Variants in CNNM2 observed in about 807,000 individuals in gnomAD.
CNNM2 encodes the protein cyclin and CBS domain divalent metal cation transport mediator 2.
Under a neutral mutation model 66.9 loss-of-function variants are expected in CNNM2, and 12 were observed. That is an observed-to-expected ratio of 0.18 (90% CI 0.11 to 0.29). The LOEUF (loss-of-function observed/expected upper bound fraction) is 0.29, where lower values mean the gene tolerates loss of function less well. CNNM2 is among the 10% of genes least tolerant of loss of function. CNNM2 has a pLI of 1.00. For synonymous variants in CNNM2, 557 were observed against 501.8 expected (o/e 1.11, Z -1.47); for missense variants, 705 against 1,167.7 (o/e 0.60, Z 5.77).
intron 1 of CNNM2, among the ~76,000 whole-genome samples, chr10:102,973,412 G>T (rs923406405): frequency 6.6e-6 from 1 of 151,884 alleles, no homozygotes; most frequent in South Asian, 2.1e-4. Flanking sequence ...AGAGTAGCTG[G>T]AACTACTACA....
intron 1 of CNNM2, among the ~76,000 whole-genome samples, chr10:102,929,090 T>C (rs1845975638): frequency 6.6e-6 from 1 of 151,886 alleles, no homozygotes; most frequent in African/African-American, 2.4e-5. Context: ...TGAAACCCAG[T>C]CTCCACTAAA....
intron 5 of CNNM2, among the ~76,000 whole-genome samples, chr10:103,071,567 T>A (rs2065583220): frequency 6.6e-6 from 1 of 152,220 alleles, no homozygotes; most frequent in Non-Finnish European, 1.5e-5. Context: ...TGGGTAGGAT[T>A]TCTCCTGATC....
In CNNM2 at chr10:102,918,570, C is replaced by T. The variant is rs202027427; in HGVS notation, c.90C>T (p.Arg30=). The stretch of plus-strand genomic sequence containing the variant: ...TGCCCACTTGGAAGATGGCGGCGCG[C>T]CGCAGCCTCAGCGCTCGCGGCCGGG... ...AALPTWKMAA[R]RSLSARGRGI... Residue 30 remains arginine, a synonymous_variant, in exon 1 of 8, where the codon CGC becomes CGT. Transcript: ENST00000369878. This position sits in a 1 kb window ranked among gnomAD's most constrained non-coding sequence, Gnocchi z 4.1. The T allele has an allele frequency of 1.1e-4, 180 of 1,584,112 alleles. 1 individual carries two copies. The East Asian group carries it at 4.2e-3, about 37-fold the overall frequency.
chr10:103,074,542 G>A (rs1405510477), intron 6 of CNNM2, among the ~76,000 whole-genome samples: 1 of 151,844 alleles, frequency 6.6e-6, no homozygotes, highest in African/African-American at 2.4e-5. Context: ...AAAAATTTTA[G>A]GAGAAAGTGG....
At chr10:103,066,721 A>C (rs1430318211) in intron 4 of CNNM2, among the ~76,000 whole-genome samples, 1 of 152,112 alleles carries the variant, frequency 6.6e-6, no homozygotes, top group Non-Finnish European at 1.5e-5. Context: ...TCTGTTCCCA[A>C]TGTCTTTTTC....
At position 103,088,267 on chromosome 10, in the gene CNNM2, C is replaced by T. The variant is rs1231193106; in HGVS notation, c.*11087C>T. On this transcript the variant is annotated 3_prime_UTR_variant, in exon 8 of 8. Coordinates refer to ENST00000369878, the MANE Select transcript of CNNM2 (RefSeq NM_017649.5). ...TGGTTAAAGAAAGAGTCTATAACCA[C>T]TGTTTGTTTAAAATGTTGAAACAAC... 6.6e-6 allele frequency: 1 copy of T among 152,238 alleles called. No homozygotes were observed. The highest frequency in any genetic ancestry group is 1.5e-5 in the Non-Finnish European group (1 of 68,044). The allele number at this position is 152,238 out of a possible 1,614,324, so 9.4% of individuals were successfully genotyped here. A position where few individuals can be genotyped will look rare whatever the true frequency, so the allele number is the denominator to read the frequency against.
chr10:102,978,251 A>G (rs2063668320), intron 1 of CNNM2, among the ~76,000 whole-genome samples: 1 of 149,492 alleles, frequency 6.7e-6, no homozygotes, highest in Non-Finnish European at 1.5e-5. Context: ...CATCTCAAAC[A>G]TACGATTTTC....
In CNNM2 at chr10:103,054,341, C is replaced by T. The variant is rs867956618; in HGVS notation, c.1778C>T (p.Thr593Met). The change falls in exon 3 of 8, where the codon ACG (threonine) becomes ATG (methionine). Residue 593 changes from threonine to methionine, a missense_variant. Thr to Met is a moderately conservative substitution (Grantham distance 81). Coordinates refer to ENST00000369878, the MANE Select transcript of CNNM2 (RefSeq NM_017649.5). The surrounding 1 kb of genome is among the most constrained non-coding windows in gnomAD (Gnocchi z 5.2). ...ATTCCTCCCTTAGCTGACAACAGAACGAAAAAGAAAGTGGCTCACCGGGAA... is the reference window on the plus strand; with the variant it reads ...ATTCCTCCCTTAGCTGACAACAGAATGAAAAAGAAAGTGGCTCACCGGGAA... Reference protein sequence around the residue: ...DETDLYTDNRTKKKVAHRERK... With the variant: ...DETDLYTDNRMKKKVAHRERK... 1.9e-6 allele frequency: 3 copies of T among 1,613,526 alleles called. No individual in the cohort carries two copies. Among genetic ancestry groups the T allele is most frequent in the Non-Finnish European group, 1.7e-6 (2 of 1,179,736 alleles).
At chr10:103,061,377 C>T (rs762201209) in intron 4 of CNNM2, among the ~76,000 whole-genome samples, 7 of 151,870 alleles carry the variant, frequency 4.6e-5, no homozygotes, top group Non-Finnish European at 8.8e-5. Context: ...GGCAACAGAG[C>T]GAGACTCTGT....
chr10:102,988,535 A>G (rs2063839189), intron 1 of CNNM2, among the ~76,000 whole-genome samples: 1 of 152,184 alleles, frequency 6.6e-6, no homozygotes, highest in Non-Finnish European at 1.5e-5. Flanking sequence ...TACAAAGTAT[A>G]GACCTTTTCC....
chr10:102,985,142 T>C (rs1267585619), intron 1 of CNNM2, among the ~76,000 whole-genome samples: 1 of 152,198 alleles, frequency 6.6e-6, no homozygotes. Context: ...GCAAAATTCC[T>C]GCTTTGTGTA....
chr10:103,076,615 C>CTTGG (rs2065696149), intron 7 of CNNM2, among the ~76,000 whole-genome samples: 1 of 152,164 alleles, frequency 6.6e-6, no homozygotes. Context: ...GGTCAGGAGA[C>CTTGG]TTGGAGGGTT....
chr10:103,012,639 C>CTT (rs78646079), intron 1 of CNNM2, among the ~76,000 whole-genome samples: 2,405 of 117,976 alleles, frequency 0.02, 65 homozygotes, highest in African/African-American at 0.052. Context: ...CAGAGCAAGA[C>CTT]TTTTTTTTTT....
chr10:103,014,273 CT>C (rs1187266645), intron 1 of CNNM2, among the ~76,000 whole-genome samples: 1 of 152,180 alleles, frequency 6.6e-6, no homozygotes, highest in Non-Finnish European at 1.5e-5. Context: ...TATGCATAGC[CT>C]TGGCAGGTGG....
intron 5 of CNNM2, among the ~76,000 whole-genome samples, chr10:103,070,283 T>C (rs1478741653): frequency 6.6e-6 from 1 of 152,222 alleles, no homozygotes; most frequent in African/African-American, 2.4e-5. Flanking sequence ...ACCTGGGTTA[T>C]AGCTTCAGTT....
chr10:103,030,153 G>A (rs2064796519), intron 1 of CNNM2, among the ~76,000 whole-genome samples: 1 of 152,210 alleles, frequency 6.6e-6, no homozygotes, highest in Non-Finnish European at 1.5e-5. Flanking sequence ...TGGATGGAAT[G>A]AGCAAAGCTA....
At chr10:102,921,095 G>C in intron 1 of CNNM2, 1 of 959,298 alleles carries the variant, frequency 1.0e-6, no homozygotes. Flanking sequence ...ATATTTGTTC[G>C]TTTGACCATA....
At chr10:102,991,884 A>G (rs541787520) in intron 1 of CNNM2, among the ~76,000 whole-genome samples, 72 of 152,322 alleles carry the variant, frequency 4.7e-4, no homozygotes, top group Admixed American at 1.2e-3. Context: ...TTATACTCTT[A>G]TTTAGTAAAC....
chr10:103,066,731 C>T (rs190377035), intron 4 of CNNM2, among the ~76,000 whole-genome samples: 53 of 152,214 alleles, frequency 3.5e-4, no homozygotes, highest in Non-Finnish European at 5.3e-4. Context: ...ATGTCTTTTT[C>T]CTCATGCTGA....
Sources: allele counts gnomAD v4.1 joint callset (sites outside exome capture counted in the v4.1 genomes callset), GRCh38; gene constraint gnomAD v4.1.1; non-coding constraint Gnocchi (gnomAD v3.1); transcripts MANE v1.5; gene names NCBI Gene and HGNC (gene_info 2026-07-23, HGNC 2026-07-21).